The following GSG1L variants were observed in gnomAD, a reference collection of about 807,000 sequenced individuals.
The protein encoded by GSG1L is germ cell-specific gene 1-like protein.
GSG1L carries 24 observed loss-of-function variants against 42.1 expected under a neutral mutation model. That is an observed-to-expected ratio of 0.57 (90% CI 0.41 to 0.80). GSG1L has a LOEUF of 0.80. Among genes scored for constraint, GSG1L ranks in the 30% least tolerant of loss-of-function variants. The probability of loss-of-function intolerance (pLI) is 0.00; values close to 1 mark genes in which losing one functional copy is unlikely to be tolerated. For synonymous variants in GSG1L, 215 were observed against 203.5 expected, an observed-to-expected ratio of 1.06 and a Z score of -0.48; for missense variants, 445 against 472.2, an observed-to-expected ratio of 0.94 and a Z score of 0.53.
intron 1 of GSG1L, among the ~76,000 whole-genome samples, chr16:28,016,740 C>T (rs944558521): frequency 6.6e-6 from 1 of 152,196 alleles, no homozygotes; most frequent in African/African-American, 2.4e-5. Context: ...TGCTAAATGA[C>T]TTATTCACCC....
chr16:27,817,603 C>G (rs1264495109), intron 5 of GSG1L, among the ~76,000 whole-genome samples: 1 of 152,148 alleles, frequency 6.6e-6, no homozygotes, highest in African/African-American at 2.4e-5. Context: ...TGATCCTCCA[C>G]CCACCTCGGC....
At chr16:27,895,534 C>T (rs2084181803) in intron 2 of GSG1L, among the ~76,000 whole-genome samples, 1 of 152,158 alleles carries the variant, frequency 6.6e-6, no homozygotes, top group Middle Eastern at 3.2e-3. Context: ...TCCCCATGGT[C>T]CAGGGTTCTA....
chr16:27,879,269 G>C (rs933281787), intron 3 of GSG1L, among the ~76,000 whole-genome samples: 4 of 152,096 alleles, frequency 2.6e-5, no homozygotes, highest in Non-Finnish European at 5.9e-5. Context: ...TATCCACAGG[G>C]GATTGGTTCT....
chr16:27,846,598 T>G (rs1596551998), intron 3 of GSG1L, among the ~76,000 whole-genome samples: 2 of 152,164 alleles, frequency 1.3e-5, no homozygotes, highest in Admixed American at 1.3e-4. Flanking sequence ...TAAGTAAAAA[T>G]TACAGTTCAC....
intron 2 of GSG1L, among the ~76,000 whole-genome samples, chr16:27,919,330 G>A (rs1034816540): frequency 1.3e-5 from 2 of 152,162 alleles, no homozygotes; most frequent in East Asian, 3.9e-4. Flanking sequence ...CATCATGGCT[G>A]CCCATGATCT....
intron 1 of GSG1L, among the ~76,000 whole-genome samples, chr16:28,052,720 T>A (rs190858004): frequency 6.6e-6 from 1 of 152,182 alleles, no homozygotes; most frequent in East Asian, 1.9e-4. Flanking sequence ...ACCTCCCACA[T>A]CTGCAGATTG....
chr16:27,932,743 G>A (rs969635866), intron 2 of GSG1L, among the ~76,000 whole-genome samples: 1 of 152,128 alleles, frequency 6.6e-6, no homozygotes, highest in Non-Finnish European at 1.5e-5. Context: ...GCTTTGTCCA[G>A]TGACATAGGG....
At chr16:27,819,201 G>T (rs910896472) in intron 5 of GSG1L, among the ~76,000 whole-genome samples, 1 of 150,912 alleles carries the variant, frequency 6.6e-6, no homozygotes, top group Non-Finnish European at 1.5e-5. Flanking sequence ...AGTGAGCCAA[G>T]ATCACGCCAC....
In GSG1L at chr16:27,865,523, CTATATATA is replaced by C. The variant is rs1172385916; in HGVS notation, c.550+18955_550+18962del. Among the ~76,000 whole-genome samples the C allele has an allele frequency of 2.9e-3, 169 of 58,258 alleles. 1 individual carries two copies. Among genetic ancestry groups the C allele is most frequent in the Middle Eastern group, 8.3e-3 (1 of 120 alleles). 38.2% of individuals were successfully genotyped at this position (58,258 alleles called of 152,430 possible). On this transcript the variant is annotated intron_variant, in intron 3 of 6. Transcript: ENST00000447459. ...CGCTTCTTTCTTTCTCTCTCTCTTT[CTATATATA>C]TATATATATATATATATATATATAT...
At chr16:27,921,053 G>A (rs1259750311) in intron 2 of GSG1L, among the ~76,000 whole-genome samples, 1 of 152,062 alleles carries the variant, frequency 6.6e-6, no homozygotes, top group African/African-American at 2.4e-5. Context: ...CAATCCACCT[G>A]GTGAACAAAC....
At chr16:27,986,325 C>A (rs1383453876) in intron 1 of GSG1L, among the ~76,000 whole-genome samples, 1 of 151,964 alleles carries the variant, frequency 6.6e-6, no homozygotes, top group Non-Finnish European at 1.5e-5. Context: ...TATGGGGAAA[C>A]CCCATCTCTA....
Position 27,948,710 on chromosome 16 carries a change from C to T in GSG1L, c.397+14446G>A, listed in dbSNP as rs368652690. On this transcript the variant is annotated intron_variant, in intron 2 of 6. Coordinates refer to ENST00000447459, the MANE Select transcript of GSG1L (RefSeq NM_001109763.2). ...TTGCAAGCTTCACCTCCCAGGTTCACGCCATTCGCCTGTCTCAGCCTCCCG... is the reference window on the plus strand; with the variant it reads ...TTGCAAGCTTCACCTCCCAGGTTCATGCCATTCGCCTGTCTCAGCCTCCCG... 1.1e-4 allele frequency among the ~76,000 whole-genome samples: 17 copies of T among 150,780 alleles called. No homozygotes were observed. The South Asian group carries it at 1.9e-3, about 17-fold the overall frequency.
chr16:28,008,592 G>A (rs969215582), intron 1 of GSG1L, among the ~76,000 whole-genome samples: 9 of 152,088 alleles, frequency 5.9e-5, no homozygotes, highest in African/African-American at 2.2e-4. Flanking sequence ...TCCAACCCAG[G>A]CACCAGGGAG....
At chr16:27,794,334 CTTTT>C (rs111671722) in intron 6 of GSG1L, among the ~76,000 whole-genome samples, 1 of 142,470 alleles carries the variant, frequency 7.0e-6, no homozygotes. Flanking sequence ...TCAAAACTTT[CTTTT>C]TTTTTTTTTT....
intron 1 of GSG1L, among the ~76,000 whole-genome samples, chr16:27,980,639 C>G (rs2085314634): frequency 6.6e-6 from 1 of 152,032 alleles, no homozygotes; most frequent in Non-Finnish European, 1.5e-5. Flanking sequence ...TCTCAGCACT[C>G]TGGGAGGCTG....
At chr16:27,815,413 C>A (rs750734224) in intron 5 of GSG1L, among the ~76,000 whole-genome samples, 1 of 152,190 alleles carries the variant, frequency 6.6e-6, no homozygotes, top group Non-Finnish European at 1.5e-5. Flanking sequence ...CAGATGCTGG[C>A]ACCATGCTTC....
rs748453828 is a variant in GSG1L at position 27,988,587 on chromosome 16, C to A, written c.350-25384G>T. Among the ~76,000 whole-genome samples, 4 of 152,166 alleles carry A rather than the reference C, an allele frequency of 2.6e-5. No homozygotes were observed. The East Asian group carries it at 7.7e-4, about 29-fold the overall frequency. On this transcript the variant is annotated intron_variant, in intron 1 of 6. Coordinates refer to ENST00000447459, the MANE Select transcript of GSG1L (RefSeq NM_001109763.2). ...TCTTATCTGTGTGGTCCAAAGCTGA[C>A]TGAAATTGGATGGATTTGTTTATAG...
rs2084065881 is a variant in GSG1L, at chr16:27,888,467, TCTCTC to T, written c.398-3834_398-3830del. Among the ~76,000 whole-genome samples the T allele has an allele frequency of 1.3e-4, 9 of 70,512 alleles. 2 individuals are homozygous for T. Among genetic ancestry groups the T allele is most frequent in the South Asian group, 5.4e-4 (1 of 1,866 alleles). 46.3% of individuals were successfully genotyped at this position (70,512 alleles called of 152,430 possible). A position where few individuals can be genotyped will look rare whatever the true frequency, so the allele number is the denominator to read the frequency against. ...TTCTTTCTTTCTTTCTTTCTTTCTC[TCTCTC>T]TCTCTCTTTCCTTTCTTTCTTTCTT... On this transcript the variant is annotated intron_variant, in intron 2 of 6. Transcript: ENST00000447459.
intron 1 of GSG1L, among the ~76,000 whole-genome samples, chr16:27,994,122 A>C (rs2085487586): frequency 6.6e-6 from 1 of 152,202 alleles, no homozygotes; most frequent in Non-Finnish European, 1.5e-5. Flanking sequence ...GTCGTGAGAC[A>C]AAAAACTCCA....
Sources: gnomAD v4.1 joint callset for allele counts (sites outside exome capture counted in the v4.1 genomes callset) on GRCh38, gnomAD v4.1.1 for gene constraint, MANE v1.5 for transcripts, NCBI Gene and HGNC (gene_info 2026-07-23, HGNC 2026-07-21) for gene names.